The following TGFBR2 variants were observed in gnomAD, a reference collection of about 807,000 sequenced individuals.
TGFBR2 encodes the protein transforming growth factor beta receptor 2, also known as TGF-beta receptor type-2.
In TGFBR2, 18 loss-of-function variants were observed where a neutral mutation model predicts 49.0. The ratio of observed to expected loss-of-function variants is 0.37; its 90% CI spans 0.25 to 0.54. The LOEUF is 0.54. TGFBR2 is among the 20% of genes least tolerant of loss of function. The pLI is 0.85. For missense variants in TGFBR2, 525 were observed against 722.6 expected (o/e 0.73, Z 3.13); for synonymous variants, 282 against 275.9 (o/e 1.02, Z -0.22).
chr3:30,634,430 A>G (rs1232694501), intron 1 of TGFBR2, among the ~76,000 whole-genome samples: 1 of 152,194 alleles, frequency 6.6e-6, no homozygotes, highest in Non-Finnish European at 1.5e-5. Context: ...CATTTCGTGC[A>G]TTTTTAAAAA....
At chr3:30,682,397 GCCTT>G (rs1169978815) in intron 5 of TGFBR2, among the ~76,000 whole-genome samples, 2 of 152,170 alleles carry the variant, frequency 1.3e-5, no homozygotes, top group Non-Finnish European at 1.5e-5. Context: ...TACTCTCTAA[GCCTT>G]CGCTTTTTCT....
intron 1 of TGFBR2, among the ~76,000 whole-genome samples, chr3:30,607,860 ATAT>A (rs1256475417): frequency 2.1e-5 from 3 of 139,598 alleles, no homozygotes; most frequent in East Asian, 2.0e-4. Context: ...AATATATATA[ATAT>A]TAATATATAT....
chr3:30,653,250 C>CTTTTTTTTTTT (rs3076740), intron 3 of TGFBR2, among the ~76,000 whole-genome samples: 1 of 113,438 alleles, frequency 8.8e-6, no homozygotes, highest in Non-Finnish European at 1.7e-5. Context: ...GGAATGAAAA[C>CTTTTTTTTTTT]TTTTTTTTTT....
At position 30,688,144 on chromosome 3, in the gene TGFBR2, G is replaced by A. The variant is rs9843942; in HGVS notation, c.1397-240G>A. 0.43 allele frequency among the ~76,000 whole-genome samples: 65,801 copies of A among 152,044 alleles called. 14,828 individuals carry two copies. Among genetic ancestry groups the A allele is most frequent in the African/African-American group, 0.55 (22,871 of 41,464 alleles). On this transcript the variant is annotated intron_variant, in intron 5 of 6. Coordinates refer to ENST00000295754, the MANE Select transcript of TGFBR2 (RefSeq NM_003242.6). ...CTTGTTGTCCACTGTGTCCCCCAGC[G>A]TAACACCTAGCACATTTTAAGTACT...
At chr3:30,627,301 C>A (rs1698351315) in intron 1 of TGFBR2, among the ~76,000 whole-genome samples, 1 of 152,060 alleles carries the variant, frequency 6.6e-6, no homozygotes, top group Non-Finnish European at 1.5e-5. Flanking sequence ...CTGACAAGTC[C>A]CCACTTCAGG....
At chr3:30,644,125 G>A (rs527309931) in intron 1 of TGFBR2, among the ~76,000 whole-genome samples, 3 of 152,310 alleles carry the variant, frequency 2.0e-5, no homozygotes, top group South Asian at 4.1e-4. Flanking sequence ...AACACAGAGA[G>A]AGATCAGTAG....
chr3:30,621,371 C>T (rs1385162962), intron 1 of TGFBR2, among the ~76,000 whole-genome samples: 1 of 150,340 alleles, frequency 6.7e-6, no homozygotes, highest in African/African-American at 2.5e-5. Context: ...ACCTCTGCCT[C>T]CTGGGTTCAA....
At chr3:30,618,231 G>GTT (rs397971432) in intron 1 of TGFBR2, among the ~76,000 whole-genome samples, 44 of 128,744 alleles carry the variant, frequency 3.4e-4, no homozygotes, top group African/African-American at 8.9e-4. Flanking sequence ...TTTCTTTCTT[G>GTT]TTTTTTTTTT....
In TGFBR2 at chr3:30,693,684, T is replaced by A. The variant is rs11466537; in HGVS notation, c.*2085T>A. ...TGCACCGTAGGGCATGCTGATACCA[T>A]CCCAATAGCTGTTGCCCATTGACCT... On this transcript the variant is annotated 3_prime_UTR_variant, in exon 7 of 7. Transcript: ENST00000295754. The A allele has an allele frequency of 0.035, 8,173 of 233,552 alleles. 532 individuals are homozygous for A. The highest frequency in any genetic ancestry group is 0.15 in the African/African-American group (6,856 of 45,362). The allele number at this position is 233,552 out of a possible 1,614,324, so 14.5% of individuals were successfully genotyped here. A position where few individuals can be genotyped will look rare whatever the true frequency, so the allele number is the denominator to read the frequency against.
At chr3:30,658,949 T>G (rs3773636) in intron 3 of TGFBR2, among the ~76,000 whole-genome samples, 1 of 151,976 alleles carries the variant, frequency 6.6e-6, no homozygotes, top group African/African-American at 2.4e-5. Context: ...ACTTCCGTTG[T>G]TTTCCGAGTA....
chr3:30,663,670 T>G (rs1167336348), intron 3 of TGFBR2, among the ~76,000 whole-genome samples: 2 of 152,144 alleles, frequency 1.3e-5, no homozygotes, highest in Non-Finnish European at 2.9e-5. Context: ...GATTACTTTT[T>G]AGAGGAAGGG....
chr3:30,653,324 T>C (rs1233978736), intron 3 of TGFBR2, among the ~76,000 whole-genome samples: 1 of 144,430 alleles, frequency 6.9e-6, no homozygotes, highest in African/African-American at 2.6e-5. Context: ...CAGTCTCGGC[T>C]CACTGCAACC....
At chr3:30,628,663 A>G (rs1321277395) in intron 1 of TGFBR2, among the ~76,000 whole-genome samples, 1 of 151,120 alleles carries the variant, frequency 6.6e-6, no homozygotes, top group African/African-American at 2.4e-5. Context: ...GGGGCTTAAT[A>G]AGAATTACTT....
intron 3 of TGFBR2, among the ~76,000 whole-genome samples, chr3:30,664,459 CAG>C (rs1699208768): frequency 6.6e-6 from 1 of 152,100 alleles, no homozygotes; most frequent in African/African-American, 2.4e-5. Context: ...TTGCAAATGT[CAG>C]AGTCTTGTTA....
chr3:30,627,834 C>A (rs569885733), intron 1 of TGFBR2, among the ~76,000 whole-genome samples: 2 of 152,000 alleles, frequency 1.3e-5, no homozygotes, highest in Admixed American at 1.3e-4. Context: ...ATTTAAATAG[C>A]CACAGGTGGC....
At chr3:30,624,976 G>A (rs745306873) in intron 1 of TGFBR2, among the ~76,000 whole-genome samples, 6 of 152,062 alleles carry the variant, frequency 3.9e-5, no homozygotes, top group Non-Finnish European at 7.4e-5. Context: ...TTTATAATTG[G>A]AGTGATTTTC....
At chr3:30,651,107 A>G (rs1316924189) in intron 3 of TGFBR2, among the ~76,000 whole-genome samples, 1 of 152,178 alleles carries the variant, frequency 6.6e-6, no homozygotes, top group Non-Finnish European at 1.5e-5. Flanking sequence ...TTCAGCGTTT[A>G]CTCAGCTTGA....
intron 1 of TGFBR2, among the ~76,000 whole-genome samples, chr3:30,637,199 A>C (rs1698553261): frequency 6.6e-6 from 1 of 152,222 alleles, no homozygotes; most frequent in Non-Finnish European, 1.5e-5. Context: ...ACAAGTACTT[A>C]CAAAGGTATG....
At chr3:30,655,909 CCAGCAG>C (rs1698987451) in intron 3 of TGFBR2, among the ~76,000 whole-genome samples, 1 of 152,156 alleles carries the variant, frequency 6.6e-6, no homozygotes, top group African/African-American at 2.4e-5. Context: ...AGTGTCTAGA[CCAGCAG>C]CAGCAGGATC....
Sources: gnomAD v4.1 joint callset for allele counts (sites outside exome capture counted in the v4.1 genomes callset) on GRCh38, gnomAD v4.1.1 for gene constraint, MANE v1.5 for transcripts, NCBI Gene and HGNC (gene_info 2026-07-23, HGNC 2026-07-21) for gene names.